The following NCOR1 variants were observed in gnomAD, a reference collection of about 807,000 sequenced individuals.
NCOR1 encodes the protein nuclear receptor corepressor 1.
A neutral mutation model predicts 288.1 loss-of-function variants in NCOR1; 63 were observed. The ratio of observed to expected loss-of-function variants is 0.22; its 90% confidence interval spans 0.18 to 0.27. NCOR1 has a LOEUF of 0.27. NCOR1 is among the 10% of genes least tolerant of loss of function. NCOR1 has a pLI of 1.00. For missense variants in NCOR1, 2,397 were observed against 3,019.2 expected (o/e 0.79, Z 4.83); for synonymous variants, 1,007 against 1,065.9 (o/e 0.94, Z 1.08).
chr17:16,155,773 T>C (rs923360477), intron 6 of NCOR1, among the ~76,000 whole-genome samples: 1 of 152,170 alleles, frequency 6.6e-6, no homozygotes, highest in African/African-American at 2.4e-5. Flanking sequence ...AATTACCCCA[T>C]TCCTCCTTGC....
At chr17:16,138,421 C>G (rs2076733961) in intron 12 of NCOR1, among the ~76,000 whole-genome samples, 2 of 152,106 alleles carry the variant, frequency 1.3e-5, no homozygotes, top group Admixed American at 1.3e-4. Context: ...CCCATCTCTA[C>G]TAAAAATACA....
chr17:16,185,137 G>A (rs1325512072), intron 3 of NCOR1, among the ~76,000 whole-genome samples: 2 of 151,726 alleles, frequency 1.3e-5, no homozygotes, highest in Admixed American at 6.6e-5. Flanking sequence ...CAGACACATA[G>A]AATGAAAAAG....
At chr17:16,057,342 G>A (rs1047801147) in intron 40 of NCOR1, 172 bp downstream of exon 40, 23 of 634,050 alleles carry the variant, frequency 3.6e-5, no homozygotes, top group Non-Finnish European at 6.0e-5. Flanking sequence ...CAAATGCCAA[G>A]ACAGTGGACA....
At chr17:16,085,499 TAAAC>T (rs1342853572) in intron 23 of NCOR1, among the ~76,000 whole-genome samples, 1 of 152,190 alleles carries the variant, frequency 6.6e-6, no homozygotes, top group African/African-American at 2.4e-5. Context: ...GGAGAATGGA[TAAAC>T]AAACTGGTAT....
At chr17:16,032,828 C>T (rs1270533223) in intron 45 of NCOR1, among the ~76,000 whole-genome samples, 1 of 152,186 alleles carries the variant, frequency 6.6e-6, no homozygotes, top group African/African-American at 2.4e-5. Flanking sequence ...GCTTTCTTAA[C>T]TCTTCAAGAG....
In NCOR1 at chr17:16,118,896, G is replaced by C. The variant is rs529079308; in HGVS notation, c.1915+527C>G. Reference sequence around the variant, plus strand: ...AGTAAGAGGAAGGCCACAAAGCTATGAAAGTGGCAGAGACAGGACTCAAAC... The same window carrying C: ...AGTAAGAGGAAGGCCACAAAGCTATCAAAGTGGCAGAGACAGGACTCAAAC... On this transcript the variant is annotated intron_variant, in intron 17 of 45. Transcript: ENST00000268712. Among the ~76,000 whole-genome samples, 6 of 152,304 alleles carry C rather than the reference G, an allele frequency of 3.9e-5. No homozygotes were observed. In the East Asian group the frequency reaches 9.6e-4, roughly 24 times the overall value.
intron 6 of NCOR1, among the ~76,000 whole-genome samples, chr17:16,155,770 C>T (rs1023991410): frequency 6.6e-6 from 1 of 152,124 alleles, no homozygotes; most frequent in Admixed American, 6.6e-5. Flanking sequence ...TGTAATTACC[C>T]CATTCCTCCT....
intron 3 of NCOR1, 37 bp from the exon 4 acceptor site, chr17:16,172,032 G>C: frequency 6.8e-7 from 1 of 1,475,276 alleles, no homozygotes; most frequent in Non-Finnish European, 9.1e-7. Flanking sequence ...TTGAAAATTT[G>C]TAAGTGATGT....
chr17:16,171,685 A>C, intron 4 of NCOR1, 118 bp downstream of exon 4: 12 of 933,440 alleles, frequency 1.3e-5, no homozygotes, highest in South Asian at 3.6e-5. Flanking sequence ...TTACTTTCCC[A>C]TACCACTAAC....
At chr17:16,192,379 G>A (rs2088618765) in intron 2 of NCOR1, among the ~76,000 whole-genome samples, 1 of 152,174 alleles carries the variant, frequency 6.6e-6, no homozygotes, top group African/African-American at 2.4e-5. Context: ...GCTGGGGCCG[G>A]GCACAGTGGC....
At position 16,152,381 on chromosome 17, in the gene NCOR1, T is replaced by C. The variant is rs185850903; in HGVS notation, c.790-383A>G. Among the ~76,000 whole-genome samples, 13 of 151,490 alleles carry C rather than the reference T, an allele frequency of 8.6e-5. No individual in the cohort carries two copies. In the East Asian group the frequency reaches 2.6e-3, roughly 30 times the overall value. On this transcript the variant is annotated intron_variant, in intron 7 of 45. Coordinates refer to ENST00000268712, the MANE Select transcript of NCOR1 (RefSeq NM_006311.4). Reference sequence around the variant, plus strand: ...AAGTGTTCTCATTGTTCAATTCCCATCTATGAGTGGGAACATGCAGTGTTT... The same window carrying C: ...AAGTGTTCTCATTGTTCAATTCCCACCTATGAGTGGGAACATGCAGTGTTT...
At chr17:16,075,939 A>C (rs2062392296) in intron 26 of NCOR1, among the ~76,000 whole-genome samples, 1 of 152,246 alleles carries the variant, frequency 6.6e-6, no homozygotes, top group Non-Finnish European at 1.5e-5. Flanking sequence ...CATTAGGTGA[A>C]TCAACTTTGC....
At position 16,138,141 on chromosome 17, in the gene NCOR1, T is replaced by C; in HGVS notation, c.1407+17A>G. On this transcript the variant is annotated intron_variant, in intron 13 of 45. Transcript: ENST00000268712. Reference sequence around the variant, plus strand: ...ATCACAAACCTACAAACACTCCCAATGCAAACCATGTCTTACCTTCCTCTC... The same window carrying C: ...ATCACAAACCTACAAACACTCCCAACGCAAACCATGTCTTACCTTCCTCTC... 1.9e-6 allele frequency: 3 copies of C among 1,604,528 alleles called. No individual in the cohort carries two copies. Among genetic ancestry groups the C allele is most frequent in the Non-Finnish European group, 2.6e-6 (3 of 1,172,084 alleles).
chr17:16,127,473 A>G (rs546499268), intron 14 of NCOR1, among the ~76,000 whole-genome samples: 1 of 146,984 alleles, frequency 6.8e-6, no homozygotes, highest in Non-Finnish European at 1.5e-5. Context: ...GTGTATGTGT[A>G]TATATACACG....
chr17:16,182,036 A>G (rs1314893542), intron 3 of NCOR1, among the ~76,000 whole-genome samples: 1 of 152,334 alleles, frequency 6.6e-6, no homozygotes, highest in African/African-American at 2.4e-5. Flanking sequence ...ATAATTTTAG[A>G]TATCAGATCA....
At chr17:16,115,577 T>C (rs1262321459) in intron 18 of NCOR1, among the ~76,000 whole-genome samples, 6 of 152,138 alleles carry the variant, frequency 3.9e-5, no homozygotes, top group Non-Finnish European at 8.8e-5. Context: ...ACCTAAATTA[T>C]CTCTCTCAAG....
intron 40 of NCOR1, chr17:16,057,206 T>C: frequency 3.2e-6 from 1 of 309,176 alleles, no homozygotes; most frequent in Non-Finnish European, 6.2e-6. Flanking sequence ...ATGAGAGGTA[T>C]TATTCGGAAG....
chr17:16,172,838 G>T (rs2083378097), intron 3 of NCOR1, among the ~76,000 whole-genome samples: 1 of 152,140 alleles, frequency 6.6e-6, no homozygotes, highest in African/African-American at 2.4e-5. Context: ...AGGTGATATT[G>T]TATCTCATGG....
rs189115615 is a variant in NCOR1, at chr17:16,157,369, C to T, written c.732+1391G>A. Reference sequence around the variant, plus strand: ...CCCATATTTTTACCTGCCCATAACACTTACCATTACCGTAAGTATATTTCT... The same window carrying T: ...CCCATATTTTTACCTGCCCATAACATTTACCATTACCGTAAGTATATTTCT... On this transcript the variant is annotated intron_variant, in intron 6 of 45. Coordinates refer to ENST00000268712, the MANE Select transcript of NCOR1 (RefSeq NM_006311.4). 3.3e-5 allele frequency among the ~76,000 whole-genome samples: 5 copies of T among 152,254 alleles called. No homozygotes were observed. In the East Asian group the frequency reaches 7.7e-4, roughly 23 times the overall value.
Sources: gnomAD v4.1 joint callset for allele counts (sites outside exome capture counted in the v4.1 genomes callset) on GRCh38, gnomAD v4.1.1 for gene constraint, MANE v1.5 for transcripts, NCBI Gene and HGNC (gene_info 2026-07-23, HGNC 2026-07-21) for gene names.